The following SPRED1 variants were observed in gnomAD, a reference collection of about 807,000 sequenced individuals.
The protein encoded by SPRED1 is sprouty related EVH1 domain containing 1.
Under a neutral mutation model 52.3 loss-of-function variants are expected in SPRED1, and 18 were observed. The ratio of observed to expected loss-of-function variants is 0.34; its 90% confidence interval spans 0.24 to 0.51. SPRED1 has a LOEUF of 0.51. SPRED1 is among the 20% of genes least tolerant of loss of function. The pLI is 0.97. For synonymous variants in SPRED1, 155 were observed against 179.7 expected, an observed-to-expected ratio of 0.86 and a Z score of 1.10; for missense variants, 485 against 551.0, an observed-to-expected ratio of 0.88 and a Z score of 1.20.
chr15:38,327,230 T>C (rs1460055898), intron 4 of SPRED1, among the ~76,000 whole-genome samples: 1 of 152,242 alleles, frequency 6.6e-6, no homozygotes, highest in African/African-American at 2.4e-5. Context: ...ATGAGACTTT[T>C]AGGGAGTCAT....
chr15:38,353,757 A>T lies in SPRED1; in HGVS notation c.*2093A>T, dbSNP rs1888546597. 1 of 152,596 alleles carries T rather than the reference A, an allele frequency of 6.6e-6. No individual in the cohort carries two copies. The allele number at this position is 152,596 out of a possible 1,614,324, so 9.5% of individuals were successfully genotyped here. A position where few individuals can be genotyped will look rare whatever the true frequency, so the allele number is the denominator to read the frequency against. ...TTCAGGTTTGATCAAGGTGTGAATA[A>T]CTGAAGAAAATAACTTGCTGGCTAT... On this transcript the variant is annotated 3_prime_UTR_variant, in exon 7 of 7. Coordinates refer to ENST00000299084, the MANE Select transcript of SPRED1 (RefSeq NM_152594.3).
At chr15:38,321,912 G>A (rs1054265898) in intron 2 of SPRED1, among the ~76,000 whole-genome samples, 3 of 152,038 alleles carry the variant, frequency 2.0e-5, no homozygotes, top group African/African-American at 7.2e-5. Flanking sequence ...ACTTTAAAAA[G>A]TTAAATTTCT....
chr15:38,333,662 A>G (rs890859537), intron 4 of SPRED1, among the ~76,000 whole-genome samples: 12 of 152,136 alleles, frequency 7.9e-5, no homozygotes, highest in Non-Finnish European at 1.6e-4. Context: ...TTGTGAATAC[A>G]TGAATTGTTC....
In SPRED1 at chr15:38,253,253, T is replaced by A. The variant is rs183760632; in HGVS notation, c.32+36T>A. On this transcript the variant is annotated intron_variant, in intron 1 of 6. Coordinates refer to ENST00000299084, the MANE Select transcript of SPRED1 (RefSeq NM_152594.3). ...CATTGATCTCGATTGCTAATCCCCC[T>A]CCCCCTATCCGCCCTCGGCTCTCCC... 8.4e-5 allele frequency: 130 copies of A among 1,554,102 alleles called. No homozygotes were observed. The African/African-American group carries it at 1.5e-3, about 18-fold the overall frequency.
intron 1 of SPRED1, among the ~76,000 whole-genome samples, chr15:38,257,339 G>A (rs547357843): frequency 4.6e-5 from 7 of 152,200 alleles, no homozygotes; most frequent in Admixed American, 1.3e-4. Context: ...AATTAATGGA[G>A]CCTCATTACC....
At position 38,252,889 on chromosome 15, in the gene SPRED1, C is replaced by T; in HGVS notation, c.-297C>T. On this transcript the variant is annotated 5_prime_UTR_variant, in exon 1 of 7. Coordinates refer to ENST00000299084, the MANE Select transcript of SPRED1 (RefSeq NM_152594.3). ...GCAGCTCTCCAGTCAGCCTTTGCAG[C>T]CCCTCTCTTTTTCCCTTTCCACCGG... 1 of 516,420 alleles carries T rather than the reference C, an allele frequency of 1.9e-6. No individual in the cohort carries two copies. The highest frequency in any genetic ancestry group is 3.5e-6 in the Non-Finnish European group (1 of 284,458). 32.0% of individuals were successfully genotyped at this position (516,420 alleles called of 1,614,324 possible). A position where few individuals can be genotyped will look rare whatever the true frequency, so the allele number is the denominator to read the frequency against.
chr15:38,285,076 G>C (rs185896998), intron 1 of SPRED1, among the ~76,000 whole-genome samples: 38 of 151,212 alleles, frequency 2.5e-4, no homozygotes, highest in Non-Finnish European at 4.6e-4. Flanking sequence ...TTTGCTCCCA[G>C]CTCCTCCTGC....
At chr15:38,268,977 G>A (rs1474125642) in intron 1 of SPRED1, among the ~76,000 whole-genome samples, 5 of 142,298 alleles carry the variant, frequency 3.5e-5, no homozygotes, top group Admixed American at 7.5e-5. Flanking sequence ...GTCCCGCTCC[G>A]TCGCCTAGGC....
At chr15:38,258,038 A>G (rs1003032990) in intron 1 of SPRED1, among the ~76,000 whole-genome samples, 2 of 152,216 alleles carry the variant, frequency 1.3e-5, no homozygotes, top group African/African-American at 2.4e-5. Context: ...GCCAATTTAA[A>G]AAATGCTTCA....
chr15:38,305,452 A>G (rs1286982613), intron 2 of SPRED1, among the ~76,000 whole-genome samples: 1 of 151,480 alleles, frequency 6.6e-6, no homozygotes. Context: ...GGCACTGGGA[A>G]TATGTAAGTG....
intron 4 of SPRED1, among the ~76,000 whole-genome samples, chr15:38,329,422 G>A (rs961058213): frequency 1.3e-5 from 2 of 152,140 alleles, no homozygotes; most frequent in East Asian, 1.9e-4. Flanking sequence ...ATTTTCAAAG[G>A]TGGTAATATT....
intron 3 of SPRED1, among the ~76,000 whole-genome samples, chr15:38,324,536 G>A (rs1198543363): frequency 2.6e-5 from 4 of 152,104 alleles, no homozygotes; most frequent in African/African-American, 7.2e-5. Flanking sequence ...AAAACATCTC[G>A]TTAGTAAGCA....
chr15:38,337,791 A>G (rs1002860012), intron 4 of SPRED1, among the ~76,000 whole-genome samples: 1 of 151,924 alleles, frequency 6.6e-6, no homozygotes, highest in African/African-American at 2.4e-5. Context: ...AGATAATTCA[A>G]AAAAGTCACA....
At chr15:38,268,025 A>G (rs1894347805) in intron 1 of SPRED1, 1 of 152,240 alleles carries the variant, frequency 6.6e-6, no homozygotes, top group Non-Finnish European at 1.5e-5. Flanking sequence ...TTCAGTGTTC[A>G]CATAACTCTG....
intron 1 of SPRED1, among the ~76,000 whole-genome samples, chr15:38,269,092 CCAT>C (rs1894374034): frequency 6.6e-6 from 1 of 152,020 alleles, no homozygotes; most frequent in Non-Finnish European, 1.5e-5. Context: ...GTGCCCACCA[CCAT>C]GTCTGGCTAA....
At chr15:38,283,931 A>G (rs561590532) in intron 1 of SPRED1, among the ~76,000 whole-genome samples, 1 of 152,312 alleles carries the variant, frequency 6.6e-6, no homozygotes, top group Non-Finnish European at 1.5e-5. Flanking sequence ...GGTATTTACT[A>G]TTAAATGTTT....
rs1888615642 is a variant in SPRED1, at chr15:38,356,163, T to A, written c.*4499T>A. On this transcript the variant is annotated 3_prime_UTR_variant, in exon 7 of 7. Transcript: ENST00000299084. ...GTGTGTAGTGTCGTTTGCTTTCTAT[T>A]TCTGACCTCAAAAGTGCCTCACTTG... 6.6e-6 allele frequency: 1 copy of A among 152,166 alleles called. No individual in the cohort carries two copies. Among genetic ancestry groups the A allele is most frequent in the Non-Finnish European group, 1.5e-5 (1 of 67,998 alleles). The allele number at this position is 152,166 out of a possible 1,614,324, so 9.4% of individuals were successfully genotyped here.
intron 2 of SPRED1, 31 bp from the exon 3 acceptor site, chr15:38,322,210 A>T (rs763539012): frequency 6.2e-7 from 1 of 1,604,056 alleles, no homozygotes; most frequent in South Asian, 1.1e-5. Context: ...TGATATATGT[A>T]TATTAATTTT....
intron 1 of SPRED1, among the ~76,000 whole-genome samples, chr15:38,281,421 CTCTG>C (rs1894685076): frequency 1.3e-5 from 2 of 152,182 alleles, no homozygotes; most frequent in South Asian, 2.1e-4. Flanking sequence ...AGACGGGAGT[CTCTG>C]TCTGTCACCC....
Sources: allele counts gnomAD v4.1 joint callset (sites outside exome capture counted in the v4.1 genomes callset), GRCh38; gene constraint gnomAD v4.1.1; transcripts MANE v1.5; gene names NCBI Gene and HGNC (gene_info 2026-07-23, HGNC 2026-07-21).